The following CADPS variants were observed in gnomAD, a reference collection of about 807,000 sequenced individuals.
CADPS encodes calcium dependent secretion activator, also known as calcium-dependent secretion activator 1.
CADPS carries 57 observed loss-of-function variants against 167.3 expected under a neutral mutation model. That is an observed-to-expected ratio of 0.34 (90% CI 0.28 to 0.42). The LOEUF (loss-of-function observed/expected upper bound fraction) is 0.42. Ranked by LOEUF, CADPS falls within the 20% of genes least tolerant of loss-of-function variation. CADPS has a pLI of 1.00. For missense variants in CADPS, 1,414 were observed against 1,738.1 expected, an observed-to-expected ratio of 0.81 and a Z score of 3.32; for synonymous variants, 676 against 635.3, an observed-to-expected ratio of 1.06 and a Z score of -0.96.
chr3:62,584,849 T>G (rs1457247194), intron 8 of CADPS, among the ~76,000 whole-genome samples: 1 of 152,224 alleles, frequency 6.6e-6, no homozygotes, highest in Non-Finnish European at 1.5e-5. Flanking sequence ...ATGCAGAGTT[T>G]GAATGATCTG....
intron 3 of CADPS, among the ~76,000 whole-genome samples, chr3:62,669,763 A>T (rs2075178806): frequency 6.6e-6 from 1 of 152,174 alleles, no homozygotes; most frequent in African/African-American, 2.4e-5. Context: ...TCGATAAGAG[A>T]TTAAATAAGA....
At chr3:62,697,277 C>T (rs1199286905) in intron 3 of CADPS, among the ~76,000 whole-genome samples, 5 of 151,598 alleles carry the variant, frequency 3.3e-5, no homozygotes, top group Non-Finnish European at 1.5e-5. Context: ...CATCCTTTCC[C>T]CTGAGTCCCC....
intron 6 of CADPS, among the ~76,000 whole-genome samples, chr3:62,598,511 C>A (rs900161087): frequency 6.6e-6 from 1 of 152,154 alleles, no homozygotes; most frequent in African/African-American, 2.4e-5. Flanking sequence ...AGAGATCTGG[C>A]TATATTTGTA....
At chr3:62,765,488 C>T (rs2152501353) in intron 2 of CADPS, among the ~76,000 whole-genome samples, 1 of 152,224 alleles carries the variant, frequency 6.6e-6, no homozygotes. Context: ...GAGAAAAATG[C>T]TCCTGACTCA....
intron 6 of CADPS, among the ~76,000 whole-genome samples, chr3:62,598,834 C>A (rs1578495766): frequency 6.6e-6 from 1 of 152,276 alleles, no homozygotes; most frequent in East Asian, 1.9e-4. Flanking sequence ...ACATGAGTTA[C>A]CTCTGTAACT....
intron 12 of CADPS, among the ~76,000 whole-genome samples, chr3:62,533,388 T>C (rs1203862752): frequency 6.6e-6 from 1 of 152,150 alleles, no homozygotes; most frequent in Non-Finnish European, 1.5e-5. Context: ...CACGGAACCA[T>C]ACACGTTAAA....
intron 16 of CADPS, chr3:62,513,754 G>C (rs1197548143): frequency 1.5e-5 from 18 of 1,217,720 alleles, no homozygotes; most frequent in Non-Finnish European, 2.1e-5. Flanking sequence ...CAGAGGTAAA[G>C]AGGTTAAAGG....
chr3:62,517,040 A>T (rs1422976969), intron 14 of CADPS, among the ~76,000 whole-genome samples: 1 of 152,156 alleles, frequency 6.6e-6, no homozygotes, highest in Non-Finnish European at 1.5e-5. Flanking sequence ...TCCCCAAAAG[A>T]TCAATATATG....
At position 62,606,027 on chromosome 3, in the gene CADPS, C is replaced by T. The variant is rs115880730; in HGVS notation, c.1326-13279G>A. ...TTTTCTGACTTCCTTCTCTGAGTGC[C>T]TGGAACACTTCCTCTCACTCCCAAT... On this transcript the variant is annotated intron_variant, in intron 6 of 29. Transcript: ENST00000383710. Among the ~76,000 whole-genome samples, 635 of 152,236 alleles carry T rather than the reference C, an allele frequency of 4.2e-3. 3 individuals are homozygous for T. Among genetic ancestry groups the T allele is most frequent in the African/African-American group, 0.015 (615 of 41,528 alleles).
chr3:62,419,929 T>G (rs537078066), intron 28 of CADPS, among the ~76,000 whole-genome samples: 1 of 152,304 alleles, frequency 6.6e-6, no homozygotes, highest in South Asian at 2.1e-4. Context: ...CATTAAACTT[T>G]CTAGAGTCAT....
Position 62,790,853 on chromosome 3 carries a change from C to G in CADPS, c.442-24869G>C, listed in dbSNP as rs200543086. On this transcript the variant is annotated intron_variant, in intron 1 of 29. Coordinates refer to ENST00000383710, the MANE Select transcript of CADPS (RefSeq NM_003716.4). Reference sequence around the variant, plus strand: ...AAAGGGACCAGAGAGTGTCTATTTGCAGATACACCCTCATATATTTTCTGA... The same window carrying G: ...AAAGGGACCAGAGAGTGTCTATTTGGAGATACACCCTCATATATTTTCTGA... Among the ~76,000 whole-genome samples the G allele has an allele frequency of 2.0e-5, 3 of 152,054 alleles. No individual in the cohort carries two copies. In the East Asian group the frequency reaches 5.8e-4, roughly 29 times the overall value.
At chr3:62,509,599 A>G (rs2067353934) in intron 17 of CADPS, among the ~76,000 whole-genome samples, 2 of 152,172 alleles carry the variant, frequency 1.3e-5, no homozygotes, top group African/African-American at 4.8e-5. Flanking sequence ...AGTCCTTTGG[A>G]TAGATTTGAC....
chr3:62,490,055 G>C (rs572805547), intron 21 of CADPS, among the ~76,000 whole-genome samples: 94 of 152,238 alleles, frequency 6.2e-4, no homozygotes, highest in African/African-American at 2.1e-3. Flanking sequence ...TGGAAGGGGG[G>C]CAGAAAAGCC....
intron 26 of CADPS, among the ~76,000 whole-genome samples, chr3:62,454,907 C>T (rs1225677615): frequency 1.3e-5 from 2 of 152,158 alleles, no homozygotes; most frequent in African/African-American, 2.4e-5. Context: ...TCCCACCATA[C>T]TCCTCAAAGT....
At chr3:62,837,254 T>C (rs1005534499) in intron 1 of CADPS, among the ~76,000 whole-genome samples, 2 of 152,110 alleles carry the variant, frequency 1.3e-5, no homozygotes, top group African/African-American at 2.4e-5. Context: ...TTCCCCAAAA[T>C]CGCACAGCTT....
chr3:62,483,586 C>G (rs1318193532), intron 21 of CADPS, among the ~76,000 whole-genome samples: 1 of 152,070 alleles, frequency 6.6e-6, no homozygotes, highest in Non-Finnish European at 1.5e-5. Context: ...TCCTTTACAC[C>G]TCACATTTTG....
chr3:62,648,180 T>A (rs1579565693), intron 5 of CADPS, among the ~76,000 whole-genome samples: 1 of 152,158 alleles, frequency 6.6e-6, no homozygotes, highest in East Asian at 1.9e-4. Context: ...CACAAACAGA[T>A]GTGCAATGGT....
intron 13 of CADPS, among the ~76,000 whole-genome samples, chr3:62,522,095 CTCTATCTATCTATCTA>C (rs3074258): frequency 2.4e-3 from 351 of 144,064 alleles, no homozygotes; most frequent in Middle Eastern, 7.0e-3. Flanking sequence ...ATCCTCAAAG[CTCTATCTATCTATCTA>C]TCTATCTATC....
At position 62,753,581 on chromosome 3, in the gene CADPS, C is replaced by A. The variant is rs1454081764; in HGVS notation, c.748G>T (p.Asp250Tyr). 1 of 1,614,144 alleles carries A rather than the reference C, an allele frequency of 6.2e-7. No individual in the cohort carries two copies. Among genetic ancestry groups the A allele is most frequent in the Admixed American group, 1.7e-5 (1 of 60,016 alleles). ...ATCCGGGCCTGCTGCTTCCGCGGGT[C>A]CTCTTCTCCACGGTAGATGGCATCA... ...KFDAIYRGEEDPRKQQARMTA... is the reference protein window; with the variant it reads ...KFDAIYRGEEYPRKQQARMTA... The change falls in exon 3 of 30, where the codon GAC (aspartate) becomes TAC (tyrosine). Residue 250 changes from aspartate to tyrosine, a missense_variant. Coordinates refer to ENST00000383710, the MANE Select transcript of CADPS (RefSeq NM_003716.4). This position sits in a 1 kb window ranked among gnomAD's most constrained non-coding sequence, Gnocchi z 4.6.
Sources: allele counts gnomAD v4.1 joint callset (sites outside exome capture counted in the v4.1 genomes callset), GRCh38; gene constraint gnomAD v4.1.1; non-coding constraint Gnocchi (gnomAD v3.1); transcripts MANE v1.5; gene names NCBI Gene and HGNC (gene_info 2026-07-23, HGNC 2026-07-21).